The following TMIGD3 variants were observed in gnomAD, a reference collection of about 807,000 sequenced individuals.
TMIGD3 encodes transmembrane and immunoglobulin domain containing 3.
TMIGD3 carries 21 observed loss-of-function variants against 28.1 expected under a neutral mutation model. The observed-to-expected ratio is 0.75, with a 90% confidence interval of 0.53 to 1.08. TMIGD3 has a LOEUF of 1.08. TMIGD3 is among the 50% of genes least tolerant of loss of function. TMIGD3 has a pLI of 0.00. For synonymous variants in TMIGD3, 151 were observed against 162.1 expected (o/e 0.93, Z 0.52); for missense variants, 416 against 435.6 (o/e 0.96, Z 0.40).
At chr1:111,504,913 C>T (rs1655426439), upstream of TMIGD3, 2 of 985,186 alleles carry the variant, frequency 2.0e-6, no homozygotes, top group Non-Finnish European at 2.4e-6. Context: ...ACTCCCCAGA[C>T]ATTAAAAAGG....
At chr1:111,535,245 C>T (rs1656600335) in intron 1 of TMIGD3, among the ~76,000 whole-genome samples, 1 of 152,250 alleles carries the variant, frequency 6.6e-6, no homozygotes, top group African/African-American at 2.4e-5. Flanking sequence ...CACCCCACCT[C>T]TAAACTCCAG....
At chr1:111,500,237 G>C in intron 1 of TMIGD3, 3 of 1,614,120 alleles carry the variant, frequency 1.9e-6, no homozygotes, top group Non-Finnish European at 2.5e-6. Flanking sequence ...TTGAACTCCC[G>C]TCCATAAAAT....
chr1:111,524,322 C>T (rs1414956969), intron 1 of TMIGD3, among the ~76,000 whole-genome samples: 1 of 152,020 alleles, frequency 6.6e-6, no homozygotes, highest in South Asian at 2.1e-4. Flanking sequence ...AGCCATCGCG[C>T]CCGGCCTTCT....
rs892045226 is a variant in TMIGD3, at chr1:111,488,563, AAGTACCC to A, written c.805+107_805+113del. 8.5e-6 allele frequency: 8 copies of A among 936,366 alleles called. No homozygotes were observed. In the African/African-American group the frequency reaches 1.2e-4, roughly 14 times the overall value. 58.0% of individuals were successfully genotyped at this position (936,366 alleles called of 1,614,324 possible). A position where few individuals can be genotyped will look rare whatever the true frequency, so the allele number is the denominator to read the frequency against. ...GGAAGAGAGAGGCCAGGCAGGCCCA[AAGTACCC>A]AGTGGGAGTCTGAGTTGGGGCTCAC... On this transcript the variant is annotated intron_variant, in intron 3 of 5. Transcript: ENST00000369716.
intron 1 of TMIGD3, among the ~76,000 whole-genome samples, chr1:111,492,542 A>G (rs1962125): frequency 0.8 from 121,594 of 152,054 alleles, 48,637 homozygotes; most frequent in Middle Eastern, 0.88. Context: ...CTAGCCAGGC[A>G]CGGTGGCTCA....
chr1:111,484,389 A>T (rs565186687), intron 5 of TMIGD3, among the ~76,000 whole-genome samples: 1 of 152,352 alleles, frequency 6.6e-6, no homozygotes, highest in African/African-American at 2.4e-5. Context: ...AAAAGGAAAC[A>T]GGCCCAGAAA....
chr1:111,549,926 T>C (rs1245662878), intron 1 of TMIGD3, among the ~76,000 whole-genome samples: 1 of 152,206 alleles, frequency 6.6e-6, no homozygotes, highest in Non-Finnish European at 1.5e-5. Flanking sequence ...GTGCTGGAAT[T>C]ACAGGCATGA....
At chr1:111,502,256 T>TG (rs1655253500) in intron 1 of TMIGD3, among the ~76,000 whole-genome samples, 1 of 71,106 alleles carries the variant, frequency 1.4e-5, no homozygotes, top group African/African-American at 5.6e-5. Context: ...TTTATTATAA[T>TG]AAATATATAG....
intron 1 of TMIGD3, among the ~76,000 whole-genome samples, chr1:111,527,355 C>A (rs763488480): frequency 2.6e-5 from 4 of 152,160 alleles, no homozygotes. Flanking sequence ...CTTTTTAGCA[C>A]TGAATAAAAT....
intron 1 of TMIGD3, among the ~76,000 whole-genome samples, chr1:111,513,684 A>G (rs1279202560): frequency 6.6e-6 from 1 of 152,118 alleles, no homozygotes. Flanking sequence ...CAGCAGGGCC[A>G]ACAGAACTCT....
chr1:111,489,133 G>A (rs1654533584), intron 2 of TMIGD3, 109 bp from the exon 3 acceptor site: 1 of 1,095,620 alleles, frequency 9.1e-7, no homozygotes, highest in Non-Finnish European at 1.3e-6. Context: ...AGAATCGGAG[G>A]CTGATTTTTG....
intron 1 of TMIGD3, among the ~76,000 whole-genome samples, chr1:111,495,715 C>T (rs976758840): frequency 1.3e-5 from 2 of 152,146 alleles, no homozygotes; most frequent in African/African-American, 4.8e-5. Flanking sequence ...ATGACACATA[C>T]ATGTGTATGT....
intron 1 of TMIGD3, among the ~76,000 whole-genome samples, chr1:111,549,649 C>CAA (rs370585012): frequency 6.4e-5 from 6 of 94,434 alleles, no homozygotes; most frequent in Admixed American, 2.3e-4. Flanking sequence ...GACTCTGTTT[C>CAA]AAAAAAAAAA....
intron 1 of TMIGD3, among the ~76,000 whole-genome samples, chr1:111,509,255 ACCTCTGACCTATCCTTCC>A (rs1655613628): frequency 6.6e-6 from 1 of 152,012 alleles, no homozygotes; most frequent in African/African-American, 2.4e-5. Flanking sequence ...GCACCTGTCA[ACCTCTGACCTATCCTTCC>A]CCTCTTGTGA....
chr1:111,496,710 A>G (rs1164327638), intron 1 of TMIGD3, among the ~76,000 whole-genome samples: 1 of 152,258 alleles, frequency 6.6e-6, no homozygotes, highest in Non-Finnish European at 1.5e-5. Flanking sequence ...TAAACTCATT[A>G]AAATTTTAAT....
intron 1 of TMIGD3, among the ~76,000 whole-genome samples, chr1:111,555,289 C>G (rs1571463301): frequency 7.0e-6 from 1 of 142,848 alleles, no homozygotes; most frequent in East Asian, 2.1e-4. Context: ...TTGCTTGAAC[C>G]CAGGAGGCTG....
intron 1 of TMIGD3, chr1:111,542,443 G>A (rs760737666): frequency 1.1e-4 from 24 of 220,154 alleles, no homozygotes; most frequent in Non-Finnish European, 2.2e-4. Flanking sequence ...CCGCCCTTAA[G>A]AGAGCAAGTC....
intron 1 of TMIGD3, among the ~76,000 whole-genome samples, chr1:111,516,604 C>T (rs1655877312): frequency 6.6e-6 from 1 of 152,228 alleles, no homozygotes; most frequent in South Asian, 2.1e-4. Flanking sequence ...CCAACTCCTC[C>T]TCAGCTTCTG....
intron 1 of TMIGD3, among the ~76,000 whole-genome samples, chr1:111,521,949 G>A (rs1241237900): frequency 6.6e-6 from 1 of 152,146 alleles, no homozygotes; most frequent in Non-Finnish European, 1.5e-5. Context: ...ATGAGGTAAG[G>A]GTTGAGGTTC....
Sources: allele counts gnomAD v4.1 joint callset (sites outside exome capture counted in the v4.1 genomes callset), GRCh38; gene constraint gnomAD v4.1.1; transcripts MANE v1.5; gene names NCBI Gene and HGNC (gene_info 2026-07-23, HGNC 2026-07-21).